Variants in RANBP3 observed in about 807,000 individuals in gnomAD.
RANBP3 encodes ran-binding protein 3.
In RANBP3, 14 loss-of-function variants were observed where a neutral mutation model predicts 77.3. The observed-to-expected ratio is 0.18, with a 90% CI of 0.12 to 0.28. The LOEUF (loss-of-function observed/expected upper bound fraction) is 0.28. RANBP3 is among the 10% of genes least tolerant of loss of function. RANBP3 has a pLI of 1.00. For missense variants in RANBP3, 586 were observed against 752.3 expected (o/e 0.78, Z 2.59); for synonymous variants, 315 against 312.4 (o/e 1.01, Z -0.09).
chr19:5,925,623 G>T lies in RANBP3; in HGVS notation c.917+11C>A. 3 of 1,612,634 alleles carry T rather than the reference G, an allele frequency of 1.9e-6. No individual in the cohort carries two copies. The highest frequency in any genetic ancestry group is 2.5e-6 in the Non-Finnish European group (3 of 1,179,062). ...CCATGCCAGGCTGGCCGCTGACACCGAGACACACACCTGGAACTGATATAC... is the reference window on the plus strand; with the variant it reads ...CCATGCCAGGCTGGCCGCTGACACCTAGACACACACCTGGAACTGATATAC... On this transcript the variant is annotated intron_variant, in intron 10 of 16. Transcript: ENST00000340578.
intron 1 of RANBP3, among the ~76,000 whole-genome samples, chr19:5,972,403 TCC>T (rs960846109): frequency 6.6e-6 from 1 of 152,152 alleles, no homozygotes; most frequent in Non-Finnish European, 1.5e-5. Context: ...TACCCTGATG[TCC>T]CAGGCCACGT....
intron 1 of RANBP3, among the ~76,000 whole-genome samples, chr19:5,961,215 G>T (rs375730800): frequency 2.0e-5 from 3 of 150,960 alleles, no homozygotes; most frequent in African/African-American, 7.3e-5. Context: ...AGGCCGAGGT[G>T]GGGGGATCAC....
rs1280127621 is a variant in RANBP3, at chr19:5,923,863, C to A, written c.1048G>T (p.Ala350Ser). 1.9e-6 allele frequency: 3 copies of A among 1,614,202 alleles called. No individual in the cohort carries two copies. The highest frequency in any genetic ancestry group is 2.5e-6 in the Non-Finnish European group (3 of 1,180,028). ...GAGGACTCAGACCCTGACTCGGCAG[C>A]TGCATTTTCCCTGTTGGCATCTGAA... ...VSSDANRENA[A>S]AESGSESSSQ... The change falls in exon 12 of 17, where the codon GCT (alanine) becomes TCT (serine). Residue 350 changes from alanine (A) to serine (S), a missense_variant. Ala to Ser is a moderately conservative substitution (Grantham distance 99). This residue lies in a region of RANBP3 where 232 missense variants were observed against 271.7 expected (regional missense o/e 0.85). Coordinates refer to ENST00000340578, the MANE Select transcript of RANBP3 (RefSeq NM_007322.3).
At chr19:5,942,999 C>G (rs891916221) in intron 3 of RANBP3, among the ~76,000 whole-genome samples, 1 of 152,136 alleles carries the variant, frequency 6.6e-6, no homozygotes, top group Non-Finnish European at 1.5e-5. Flanking sequence ...TGCACCCCAG[C>G]CTGAAGGACA....
chr19:5,948,375 C>T (rs1388050842), intron 3 of RANBP3, among the ~76,000 whole-genome samples: 2 of 151,936 alleles, frequency 1.3e-5, no homozygotes, highest in Non-Finnish European at 2.9e-5. Context: ...CGGCGTGAAC[C>T]CCAGGAGGCG....
At chr19:5,929,985 C>T (rs554217643) in intron 8 of RANBP3, among the ~76,000 whole-genome samples, 12 of 152,352 alleles carry the variant, frequency 7.9e-5, no homozygotes, top group East Asian at 1.9e-4. Context: ...GGGCTGGAAC[C>T]GGCAGGAAGA....
chr19:5,955,239 T>C (rs777534653), intron 2 of RANBP3, among the ~76,000 whole-genome samples: 26 of 152,216 alleles, frequency 1.7e-4, no homozygotes, highest in Non-Finnish European at 3.2e-4. Flanking sequence ...CAAGCGATTC[T>C]CCTGCCTCAG....
At chr19:5,957,782 G>A (rs2058352779) in intron 2 of RANBP3, 136 bp downstream of exon 2, 1 of 882,504 alleles carries the variant, frequency 1.1e-6, no homozygotes, top group Non-Finnish European at 1.8e-6. Context: ...CAACGTGAAA[G>A]TGTAAAGGCC....
intron 15 of RANBP3, among the ~76,000 whole-genome samples, chr19:5,918,241 C>T (rs902419615): frequency 2.6e-5 from 4 of 152,218 alleles, no homozygotes; most frequent in African/African-American, 9.6e-5. Context: ...CCCCACAGGG[C>T]TGTTAGCCCT....
intron 2 of RANBP3, among the ~76,000 whole-genome samples, chr19:5,953,490 C>T (rs1490995079): frequency 2.6e-5 from 4 of 152,160 alleles, no homozygotes; most frequent in African/African-American, 9.7e-5. Context: ...GTACTTTCTG[C>T]TAAATAGCAT....
rs1338984629 is a variant in RANBP3 at position 5,951,500 on chromosome 19, C to T, written c.175G>A (p.Gly59Ser). The change falls in exon 3 of 17, where the codon GGC becomes AGC. Residue 59 changes from glycine to serine, a missense_variant. This residue lies in a region of RANBP3 where 172 missense variants were observed against 183.4 expected (regional missense o/e 0.94). Transcript: ENST00000340578. ...GCAGGAGGTTCTAGGGCATGCTCGC[C>T]AGCTGACTCGGGGTGACCCGTGCCA... Reference protein sequence around the residue: ...HHGTGHPESAGEHALEPPAPA... With the variant: ...HHGTGHPESASEHALEPPAPA... 1 of 1,611,260 alleles carries T rather than the reference C, an allele frequency of 6.2e-7. No individual in the cohort carries two copies. Among genetic ancestry groups the T allele is most frequent in the Non-Finnish European group, 8.5e-7 (1 of 1,178,406 alleles).
In RANBP3 at chr19:5,944,889, C is replaced by T. The variant is rs577615391; in HGVS notation, c.283-3054G>A. Among the ~76,000 whole-genome samples the T allele has an allele frequency of 1.8e-4, 27 of 152,326 alleles. No homozygotes were observed. The South Asian group carries it at 2.7e-3, about 15-fold the overall frequency. ...TTTCAACTGTACCAAAACCCTTACA[C>T]GGTGTCCTCCCTGGTCCTGGGGGAT... On this transcript the variant is annotated intron_variant, in intron 3 of 16. Transcript: ENST00000340578.
At position 5,917,438 on chromosome 19, in the gene RANBP3, G is replaced by T; in HGVS notation, c.*172C>A. The stretch of plus-strand genomic sequence containing the variant: ...GTCTCGTGTCCCAAACCACATTCAG[G>T]CAGTTCCCGAGTCTGCTTTTGAACA... On this transcript the variant is annotated 3_prime_UTR_variant, in exon 17 of 17. Coordinates refer to ENST00000340578, the MANE Select transcript of RANBP3 (RefSeq NM_007322.3). The T allele has an allele frequency of 1.6e-6, 1 of 641,850 alleles. No homozygotes were observed. Among genetic ancestry groups the T allele is most frequent in the Non-Finnish European group, 2.6e-6 (1 of 383,654 alleles). The allele number at this position is 641,850 out of a possible 1,614,324, so 39.8% of individuals were successfully genotyped here.
In RANBP3 at chr19:5,951,561, TC is replaced by T; in HGVS notation, c.113del (p.Gly38GlufsTer26). ...CCTCAGCCTCCCCCCGAGGCTCCTCTCCCGAATCCGACAAGTTTTTTTGCTC... is the reference window on the plus strand; with the variant it reads ...CCTCAGCCTCCCCCCGAGGCTCCTCTCCGAATCCGACAAGTTTTTTTGCTC... ...PAEQKNLSDS[G>X]EEPRGEAEAP... On this transcript the variant is annotated frameshift_variant, in exon 3 of 17. Coordinates refer to ENST00000340578, the MANE Select transcript of RANBP3 (RefSeq NM_007322.3). LOFTEE classifies it high-confidence loss of function. 1 of 1,613,398 alleles carries T rather than the reference TC, an allele frequency of 6.2e-7. No individual in the cohort carries two copies. Among genetic ancestry groups the T allele is most frequent in the Admixed American group, 1.7e-5 (1 of 59,910 alleles).
In RANBP3 at chr19:5,923,823, G is replaced by T. The variant is rs779589638; in HGVS notation, c.1088C>A (p.Thr363Asn). ...SGSESSSQEA[T>N]PEKESLAESA... ...GGACGCTAACATACCTTTCTCAGGG[G>T]TGGCCTCCTGGGACGAGGACTCAGA... Residue 363 changes from threonine to asparagine, a missense_variant, in exon 12 of 17, where the codon ACC (threonine) becomes AAC (asparagine). Around this residue, in one of 5 missense-constraint regions of RANBP3, gnomAD observed 232 missense variants for 271.7 expected, o/e 0.85. Coordinates refer to ENST00000340578, the MANE Select transcript of RANBP3 (RefSeq NM_007322.3). 1.9e-6 allele frequency: 3 copies of T among 1,612,732 alleles called. No homozygotes were observed. The highest frequency in any genetic ancestry group is 1.7e-6 in the Non-Finnish European group (2 of 1,178,730).
intron 8 of RANBP3, among the ~76,000 whole-genome samples, chr19:5,930,094 CG>C (rs1188663434): frequency 6.6e-6 from 1 of 152,216 alleles, no homozygotes; most frequent in Non-Finnish European, 1.5e-5. Context: ...CACTCACCAT[CG>C]GGGACAATCA....
At chr19:5,918,192 A>C (rs1049322643) in intron 15 of RANBP3, among the ~76,000 whole-genome samples, 1 of 152,050 alleles carries the variant, frequency 6.6e-6, no homozygotes, top group Non-Finnish European at 1.5e-5. Flanking sequence ...GGGTTGGTGG[A>C]CTCGACTGTG....
chr19:5,975,861 G>A (rs988138186), intron 1 of RANBP3, among the ~76,000 whole-genome samples: 41 of 151,710 alleles, frequency 2.7e-4, no homozygotes, highest in Non-Finnish European at 4.6e-4. Context: ...GGCTAAAAGC[G>A]GGGAGTGTAT....
intron 8 of RANBP3, among the ~76,000 whole-genome samples, chr19:5,929,276 C>T (rs1040497914): frequency 2.0e-5 from 3 of 152,244 alleles, no homozygotes; most frequent in Non-Finnish European, 2.9e-5. Flanking sequence ...AAACACACAA[C>T]GTGTTTGGCG....
Sources: gnomAD v4.1 joint callset for allele counts (sites outside exome capture counted in the v4.1 genomes callset) on GRCh38, gnomAD v4.1.1 for gene constraint, gnomAD v4.1.1 regional missense constraint, MANE v1.5 for transcripts, NCBI Gene and HGNC (gene_info 2026-07-23, HGNC 2026-07-21) for gene names.